The following GRAMD2B variants were observed in gnomAD, a reference collection of about 807,000 sequenced individuals.
GRAMD2B encodes GRAM domain-containing protein 2B.
In GRAMD2B, 41 loss-of-function variants were observed where a neutral mutation model predicts 59.2. That is an observed-to-expected ratio of 0.69 (90% confidence interval 0.54 to 0.90). The LOEUF (loss-of-function observed/expected upper bound fraction) is 0.90, where lower values mean the gene tolerates loss of function less well. GRAMD2B is among the 40% of genes least tolerant of loss of function. The pLI is 0.00. For missense variants in GRAMD2B, 424 were observed against 500.5 expected, an observed-to-expected ratio of 0.85 and a Z score of 1.46; for synonymous variants, 161 against 182.7, an observed-to-expected ratio of 0.88 and a Z score of 0.96.
chr5:126,463,864 CA>C lies in GRAMD2B; in HGVS notation c.84-1557del, dbSNP rs1448405432. On this transcript the variant is annotated intron_variant, in intron 1 of 13. Coordinates refer to ENST00000285689, the MANE Select transcript of GRAMD2B (RefSeq NM_023927.4). ...CAAAACCCCGTCTCTACTAAAAATACAAAAATTAGCCAGGCATGGTGGCGTG... is the reference window on the plus strand; with the variant it reads ...CAAAACCCCGTCTCTACTAAAAATACAAAATTAGCCAGGCATGGTGGCGTG... Among the ~76,000 whole-genome samples the C allele has an allele frequency of 5.3e-5, 8 of 152,058 alleles. No homozygotes were observed. In the East Asian group the frequency reaches 1.5e-3, roughly 29 times the overall value.
chr5:126,403,917 G>A (rs914565204), intron 1 of GRAMD2B, among the ~76,000 whole-genome samples: 1 of 151,798 alleles, frequency 6.6e-6, no homozygotes, highest in African/African-American at 2.4e-5. Flanking sequence ...ATTTTTTCAA[G>A]CATTAGATGT....
intron 1 of GRAMD2B, among the ~76,000 whole-genome samples, chr5:126,397,080 A>C (rs1757420431): frequency 6.6e-6 from 1 of 151,926 alleles, no homozygotes; most frequent in African/African-American, 2.4e-5. Flanking sequence ...TGGATATTAG[A>C]CCTTTGTCAG....
intron 1 of GRAMD2B, among the ~76,000 whole-genome samples, chr5:126,410,922 C>A (rs545418460): frequency 6.6e-6 from 1 of 151,942 alleles, no homozygotes; most frequent in Non-Finnish European, 1.5e-5. Flanking sequence ...TGAGAAGTAT[C>A]TGGTCATGTC....
intron 5 of GRAMD2B, among the ~76,000 whole-genome samples, chr5:126,477,468 T>C (rs953756531): frequency 1.2e-4 from 19 of 152,374 alleles, no homozygotes; most frequent in Middle Eastern, 3.4e-3. Context: ...TTCAGTCCAA[T>C]TGATGATTAA....
At chr5:126,486,056 T>C (rs1473227776) in intron 11 of GRAMD2B, among the ~76,000 whole-genome samples, 1 of 152,210 alleles carries the variant, frequency 6.6e-6, no homozygotes, top group Non-Finnish European at 1.5e-5. Flanking sequence ...TTGTTATTTT[T>C]TTTACCTTAT....
At chr5:126,437,103 G>A (rs886453398) in intron 1 of GRAMD2B, among the ~76,000 whole-genome samples, 1 of 152,216 alleles carries the variant, frequency 6.6e-6, no homozygotes, top group African/African-American at 2.4e-5. Context: ...GCCACTGACA[G>A]GGTTTACCCA....
intron 1 of GRAMD2B, among the ~76,000 whole-genome samples, chr5:126,366,073 T>C (rs1447317389): frequency 1.3e-5 from 2 of 152,346 alleles, no homozygotes; most frequent in Non-Finnish European, 2.9e-5. Flanking sequence ...CTGTGGCAGA[T>C]AGTAATAGTT....
intron 1 of GRAMD2B, among the ~76,000 whole-genome samples, chr5:126,459,813 A>G (rs1180521216): frequency 6.6e-6 from 1 of 152,242 alleles, no homozygotes; most frequent in African/African-American, 2.4e-5. Context: ...ATTAGTGAGA[A>G]GATATAGACA....
intron 13 of GRAMD2B, among the ~76,000 whole-genome samples, chr5:126,490,607 T>C (rs556848279): frequency 2.0e-5 from 3 of 152,144 alleles, no homozygotes; most frequent in African/African-American, 7.2e-5. Flanking sequence ...CTCAAAAGAA[T>C]CTAAGTATTA....
chr5:126,484,803 C>T (rs879687750), intron 10 of GRAMD2B, among the ~76,000 whole-genome samples: 5 of 152,014 alleles, frequency 3.3e-5, no homozygotes, highest in Admixed American at 1.3e-4. Flanking sequence ...AGGCTAGTCT[C>T]GAACTCCTGA....
chr5:126,408,248 A>G (rs1758432941), intron 1 of GRAMD2B, among the ~76,000 whole-genome samples: 1 of 152,082 alleles, frequency 6.6e-6, no homozygotes, highest in African/African-American at 2.4e-5. Flanking sequence ...AATGGCTTCA[A>G]GCTGCATTCG....
intron 1 of GRAMD2B, among the ~76,000 whole-genome samples, chr5:126,397,435 G>A (rs1410310651): frequency 6.6e-6 from 1 of 152,100 alleles, no homozygotes; most frequent in Non-Finnish European, 1.5e-5. Flanking sequence ...ATGTTGCCCA[G>A]CCTGGTCTTC....
intron 1 of GRAMD2B, among the ~76,000 whole-genome samples, chr5:126,395,252 G>A (rs538257569): frequency 6.6e-6 from 1 of 152,288 alleles, no homozygotes; most frequent in South Asian, 2.1e-4. Flanking sequence ...AACTGCTTAA[G>A]TACAATCTAT....
intron 1 of GRAMD2B, chr5:126,360,545 G>A (rs984125152): frequency 1.5e-6 from 2 of 1,295,342 alleles, no homozygotes; most frequent in African/African-American, 1.5e-5. Context: ...GGTATCTTAA[G>A]GACAGAGTGT....
At chr5:126,464,097 G>C (rs1215850521) in intron 1 of GRAMD2B, among the ~76,000 whole-genome samples, 3 of 152,130 alleles carry the variant, frequency 2.0e-5, no homozygotes, top group South Asian at 2.1e-4. Context: ...AGATATACTG[G>C]CCTTGATTCT....
At chr5:126,403,423 C>T (rs1205695340) in intron 1 of GRAMD2B, among the ~76,000 whole-genome samples, 3 of 151,996 alleles carry the variant, frequency 2.0e-5, no homozygotes, top group South Asian at 4.1e-4. Flanking sequence ...GAACACAATG[C>T]ACTTCTACGT....
chr5:126,371,425 C>A (rs542197662), exon 1 of GRAMD2B: 5 of 1,274,752 alleles, frequency 3.9e-6, no homozygotes, highest in Non-Finnish European at 5.1e-6. Context: ...CCTTGACTTG[C>A]GGGTCAATAA....
At chr5:126,444,506 T>C (rs957015426) in intron 1 of GRAMD2B, among the ~76,000 whole-genome samples, 8 of 152,366 alleles carry the variant, frequency 5.3e-5, no homozygotes, top group Non-Finnish European at 8.8e-5. Context: ...AGTATATGTT[T>C]ATGATTGATC....
chr5:126,382,390 AT>A (rs1375991856), intron 1 of GRAMD2B, among the ~76,000 whole-genome samples: 1 of 152,052 alleles, frequency 6.6e-6, no homozygotes, highest in Non-Finnish European at 1.5e-5. Context: ...CACTTTTTAA[AT>A]TCTTTTTTCT....
Sources: gnomAD v4.1 joint callset for allele counts (sites outside exome capture counted in the v4.1 genomes callset) on GRCh38, gnomAD v4.1.1 for gene constraint, MANE v1.5 for transcripts, NCBI Gene and HGNC (gene_info 2026-07-23, HGNC 2026-07-21) for gene names.